EPHA6: variants seen among roughly 807,000 people sequenced by gnomAD.
EPHA6 encodes the protein EPH receptor A6.
Under a neutral mutation model 112.0 loss-of-function variants are expected in EPHA6, and 50 were observed. The ratio of observed to expected loss-of-function variants is 0.45; its 90% CI spans 0.36 to 0.56. The LOEUF (loss-of-function observed/expected upper bound fraction) is 0.56, where lower values mean the gene tolerates loss of function less well. Among genes scored for constraint, EPHA6 ranks in the 20% least tolerant of loss-of-function variants. The pLI is 0.00. For missense variants in EPHA6, 1,280 were observed against 1,417.4 expected (o/e 0.90, Z 1.56); for synonymous variants, 529 against 490.7 (o/e 1.08, Z -1.03).
chr3:97,190,353 C>A (rs754984877), intron 3 of EPHA6, among the ~76,000 whole-genome samples: 3 of 152,060 alleles, frequency 2.0e-5, no homozygotes, highest in Non-Finnish European at 4.4e-5. Context: ...CCCTTAGGAA[C>A]AGCCCTCAAT....
intron 15 of EPHA6, among the ~76,000 whole-genome samples, chr3:97,734,187 C>A (rs2035157272): frequency 6.6e-6 from 1 of 152,032 alleles, no homozygotes; most frequent in African/African-American, 2.4e-5. Context: ...AAGAATATAA[C>A]CTCACTTGTC....
intron 5 of EPHA6, among the ~76,000 whole-genome samples, chr3:97,369,516 G>A (rs1181434025): frequency 2.0e-5 from 3 of 152,160 alleles, no homozygotes; most frequent in Non-Finnish European, 4.4e-5. Context: ...TAGCAACTGG[G>A]TAAATGGTTG....
intron 2 of EPHA6, among the ~76,000 whole-genome samples, chr3:96,954,181 G>A (rs2041665779): frequency 6.6e-6 from 1 of 152,114 alleles, no homozygotes; most frequent in Admixed American, 6.6e-5. Context: ...GCCTTCAGTA[G>A]CATCTTAACC....
chr3:97,043,447 C>T lies in EPHA6; in HGVS notation c.1114+55454C>T, dbSNP rs188020922. Among the ~76,000 whole-genome samples, 41 of 152,266 alleles carry T rather than the reference C, an allele frequency of 2.7e-4. No individual in the cohort carries two copies. In the East Asian group the frequency reaches 2.7e-3, roughly 10 times the overall value. On this transcript the variant is annotated intron_variant, in intron 3 of 17. Transcript: ENST00000389672. Reference sequence around the variant, plus strand: ...AACATCAGTGGGTCACTTCATGTATCAGGAACCCTGGAAAACCTTGCCAAG... The same window carrying T: ...AACATCAGTGGGTCACTTCATGTATTAGGAACCCTGGAAAACCTTGCCAAG...
intron 3 of EPHA6, among the ~76,000 whole-genome samples, chr3:96,996,318 T>A (rs1252799200): frequency 2.0e-5 from 3 of 152,120 alleles, no homozygotes; most frequent in Admixed American, 2.0e-4. Flanking sequence ...TCTTCAAAAC[T>A]CCTGTGATTG....
intron 7 of EPHA6, among the ~76,000 whole-genome samples, chr3:97,459,394 G>C (rs2090809613): frequency 6.6e-6 from 1 of 152,140 alleles, no homozygotes. Context: ...TGGGTTATTC[G>C]GCTGCAAGCT....
At chr3:97,127,370 G>A (rs1023970223) in intron 3 of EPHA6, among the ~76,000 whole-genome samples, 1 of 152,100 alleles carries the variant, frequency 6.6e-6, no homozygotes, top group African/African-American at 2.4e-5. Flanking sequence ...GGGATGATTA[G>A]GAAATTCGTC....
intron 1 of EPHA6, among the ~76,000 whole-genome samples, chr3:96,819,836 AAAAG>A (rs1378144627): frequency 1.3e-5 from 2 of 152,184 alleles, no homozygotes; most frequent in Non-Finnish European, 2.9e-5. Context: ...TATGGATTTA[AAAAG>A]AAAGATAAGG....
chr3:97,477,218 A>C (rs1276444858), intron 8 of EPHA6, among the ~76,000 whole-genome samples: 1 of 152,176 alleles, frequency 6.6e-6, no homozygotes, highest in Non-Finnish European at 1.5e-5. Context: ...TTGTAGATTA[A>C]ATGTTCAACA....
At chr3:97,400,375 G>A (rs1345033835) in intron 5 of EPHA6, among the ~76,000 whole-genome samples, 1 of 151,684 alleles carries the variant, frequency 6.6e-6, no homozygotes, top group African/African-American at 2.4e-5. Flanking sequence ...ATATTTTGAA[G>A]TCAGGCAGTG....
intron 3 of EPHA6, among the ~76,000 whole-genome samples, chr3:96,999,753 C>T (rs1304667787): frequency 6.6e-6 from 1 of 151,880 alleles, no homozygotes; most frequent in African/African-American, 2.4e-5. Flanking sequence ...CTCAAATAAT[C>T]CCTGAACCCC....
intron 2 of EPHA6, among the ~76,000 whole-genome samples, chr3:96,946,516 A>G (rs1165157417): frequency 1.1e-4 from 16 of 152,000 alleles, no homozygotes. Context: ...ATCCTTTTTT[A>G]TGGCTGCATA....
chr3:97,734,951 G>T (rs2035191505), intron 15 of EPHA6, among the ~76,000 whole-genome samples: 1 of 151,914 alleles, frequency 6.6e-6, no homozygotes, highest in South Asian at 2.1e-4. Flanking sequence ...CTAAACAGAT[G>T]AATTTCCTGC....
chr3:97,253,267 T>C (rs779497030), intron 5 of EPHA6, among the ~76,000 whole-genome samples: 1 of 152,226 alleles, frequency 6.6e-6, no homozygotes, highest in South Asian at 2.1e-4. Context: ...CTGATTTTTA[T>C]GAAAGAAAGC....
intron 3 of EPHA6, among the ~76,000 whole-genome samples, chr3:97,047,182 T>C (rs1190445084): frequency 6.6e-6 from 1 of 152,026 alleles, no homozygotes; most frequent in East Asian, 1.9e-4. Context: ...TATTGATTTA[T>C]TTAATAATAA....
At position 97,106,370 on chromosome 3, in the gene EPHA6, G is replaced by T. The variant is rs577315101; in HGVS notation, c.1114+118377G>T. On this transcript the variant is annotated intron_variant, in intron 3 of 17. Transcript: ENST00000389672. ...GAATTTCCCCCAATCTCAATTCCAG[G>T]TTTACAAGCACATCCTTATATTAAT... 7.2e-5 allele frequency among the ~76,000 whole-genome samples: 11 copies of T among 151,842 alleles called. No individual in the cohort carries two copies. In the South Asian group the frequency reaches 2.3e-3, roughly 32 times the overall value.
chr3:96,915,880 A>T (rs955908354), intron 2 of EPHA6, among the ~76,000 whole-genome samples: 5 of 152,136 alleles, frequency 3.3e-5, no homozygotes, highest in African/African-American at 1.2e-4. Context: ...ACATGAGAAA[A>T]AAACATCTGG....
chr3:97,004,873 C>G (rs1053723504), intron 3 of EPHA6, among the ~76,000 whole-genome samples: 2 of 152,094 alleles, frequency 1.3e-5, no homozygotes, highest in Non-Finnish European at 2.9e-5. Context: ...ATAGGAGATC[C>G]TTTCCCCATT....
chr3:97,166,043 T>G (rs1490438807), intron 3 of EPHA6, among the ~76,000 whole-genome samples: 1 of 152,172 alleles, frequency 6.6e-6, no homozygotes, highest in African/African-American at 2.4e-5. Context: ...TGGAATAGGC[T>G]TAGAATATCT....
Sources: gnomAD v4.1 joint callset for allele counts (sites outside exome capture counted in the v4.1 genomes callset) on GRCh38, gnomAD v4.1.1 for gene constraint, MANE v1.5 for transcripts, NCBI Gene and HGNC (gene_info 2026-07-23, HGNC 2026-07-21) for gene names.